Variants in NTRK3 observed in about 807,000 individuals in gnomAD.
NTRK3 encodes the protein neurotrophic receptor tyrosine kinase 3, also known as NT-3 growth factor receptor.
A neutral mutation model predicts 91.7 loss-of-function variants in NTRK3; 24 were observed. The ratio of observed to expected loss-of-function variants is 0.26; its 90% CI spans 0.19 to 0.37. The LOEUF (loss-of-function observed/expected upper bound fraction) is 0.37. Ranked by LOEUF, NTRK3 falls within the 10% of genes least tolerant of loss-of-function variation. NTRK3 has a pLI of 1.00. For synonymous variants in NTRK3, 483 were observed against 404.0 expected, an observed-to-expected ratio of 1.20 and a Z score of -2.34; for missense variants, 880 against 1,068.9, an observed-to-expected ratio of 0.82 and a Z score of 2.46.
In NTRK3 at chr15:88,255,521, C is replaced by A. The variant is rs1303915663; in HGVS notation, c.248+385G>T. 6.6e-6 allele frequency among the ~76,000 whole-genome samples: 1 copy of A among 152,194 alleles called. No individual in the cohort carries two copies. The highest frequency in any genetic ancestry group is 1.5e-5 in the Non-Finnish European group (1 of 68,030). Reference sequence around the variant, plus strand: ...CTGCCGCCTCTGCCAAAGAATCGAACCTCGTCTACTTTATTCCACTTGAGC... The same window carrying A: ...CTGCCGCCTCTGCCAAAGAATCGAAACTCGTCTACTTTATTCCACTTGAGC... On this transcript the variant is annotated intron_variant, in intron 3 of 18. Transcript: ENST00000394480. The surrounding 1 kb of genome is among the most constrained non-coding windows in gnomAD (Gnocchi z 4.3).
intron 13 of NTRK3, among the ~76,000 whole-genome samples, chr15:88,096,500 G>A (rs539687739): frequency 6.6e-6 from 1 of 152,234 alleles, no homozygotes; most frequent in South Asian, 2.1e-4. Context: ...GAGTCTCCTG[G>A]CAAAGACAGC....
chr15:88,169,467 T>C (rs958603977), intron 5 of NTRK3, among the ~76,000 whole-genome samples: 1 of 152,074 alleles, frequency 6.6e-6, no homozygotes, highest in Non-Finnish European at 1.5e-5. Context: ...CAGATACCTG[T>C]AGTTGGCAGC....
intron 3 of NTRK3, among the ~76,000 whole-genome samples, chr15:88,250,262 G>C (rs2053218908): frequency 1.3e-5 from 2 of 152,214 alleles, no homozygotes; most frequent in African/African-American, 4.8e-5. Flanking sequence ...ACTCCTGAGA[G>C]CCTCTGGACT....
rs535986430 is a variant in NTRK3, at chr15:88,094,124, T to A, written c.1396+32147A>T. Among the ~76,000 whole-genome samples, 4 of 152,192 alleles carry A rather than the reference T, an allele frequency of 2.6e-5. 1 individual carries two copies. The highest frequency in any genetic ancestry group is 9.6e-5 in the African/African-American group (4 of 41,564). On this transcript the variant is annotated intron_variant, in intron 13 of 18. Coordinates refer to ENST00000394480, the Ensembl canonical transcript of NTRK3. Reference sequence around the variant, plus strand: ...TTAAAAAGCCAGTGGAAGGGGCTCTTCTTGCTGCAGCCTTTGGAAGAAGTG... The same window carrying A: ...TTAAAAAGCCAGTGGAAGGGGCTCTACTTGCTGCAGCCTTTGGAAGAAGTG...
At chr15:88,190,813 A>G (rs2047325250) in intron 3 of NTRK3, among the ~76,000 whole-genome samples, 1 of 152,238 alleles carries the variant, frequency 6.6e-6, no homozygotes, top group African/African-American at 2.4e-5. Context: ...GGGTTAGAGA[A>G]GGTAATGCCT....
chr15:87,870,993 G>T, exon 19 of NTRK3: 1 of 231,044 alleles, frequency 4.3e-6, no homozygotes. Flanking sequence ...AGATAGCCAA[G>T]CTCACTGGTT....
exon 9 of NTRK3, chr15:88,135,932 T>G: frequency 1.2e-6 from 2 of 1,614,242 alleles, no homozygotes; most frequent in Non-Finnish European, 1.7e-6. Flanking sequence ...GCATTGCTCA[T>G]GCCCACCACG....
exon 19 of NTRK3, chr15:87,868,834 A>C (rs1218256673): frequency 4.5e-6 from 1 of 222,548 alleles, no homozygotes. Context: ...TGGGAGAAAC[A>C]GGAGCTGTGG....
intron 13 of NTRK3, among the ~76,000 whole-genome samples, chr15:88,099,623 C>G (rs892108759): frequency 6.6e-6 from 1 of 152,132 alleles, no homozygotes; most frequent in African/African-American, 2.4e-5. Context: ...GAGCTAAGAG[C>G]CTGGGTGCTA....
intron 3 of NTRK3, among the ~76,000 whole-genome samples, chr15:88,223,751 T>TA (rs1429516060): frequency 5.9e-5 from 9 of 152,156 alleles, no homozygotes; most frequent in Non-Finnish European, 1.2e-4. Context: ...TACTGCACAT[T>TA]AAAAACCCTT....
intron 10 of NTRK3, among the ~76,000 whole-genome samples, chr15:88,131,737 G>C (rs2041372288): frequency 6.6e-6 from 1 of 152,256 alleles, no homozygotes; most frequent in Admixed American, 6.5e-5. Context: ...ATCAGCCTAT[G>C]AGTGTTTAAG....
At chr15:88,073,628 C>A (rs776166290) in intron 13 of NTRK3, among the ~76,000 whole-genome samples, 2 of 152,056 alleles carry the variant, frequency 1.3e-5, no homozygotes, top group Non-Finnish European at 1.5e-5. Flanking sequence ...TGCCCAGGTA[C>A]AAAATAATGG....
intron 5 of NTRK3, among the ~76,000 whole-genome samples, chr15:88,157,017 C>T (rs1487465898): frequency 1.3e-5 from 2 of 152,078 alleles, no homozygotes; most frequent in Non-Finnish European, 2.9e-5. Flanking sequence ...AGAAAAAGGC[C>T]TAGGGACAAA....
intron 3 of NTRK3, among the ~76,000 whole-genome samples, chr15:88,197,681 T>C (rs2047952349): frequency 1.3e-5 from 2 of 152,330 alleles, no homozygotes; most frequent in East Asian, 3.9e-4. Context: ...GGGTTGCTAA[T>C]GGGACCTGTG....
At chr15:88,185,740 C>T (rs773740341) in intron 3 of NTRK3, among the ~76,000 whole-genome samples, 1 of 152,204 alleles carries the variant, frequency 6.6e-6, no homozygotes, top group Non-Finnish European at 1.5e-5. Flanking sequence ...GACATCTCCT[C>T]CCCAGCACCA....
intron 5 of NTRK3, among the ~76,000 whole-genome samples, chr15:88,176,056 GAT>G (rs1427923991): frequency 1.3e-5 from 2 of 151,502 alleles, no homozygotes; most frequent in African/African-American, 4.9e-5. Context: ...GTGATACTGC[GAT>G]ATGATTCTGT....
At chr15:88,194,198 G>A (rs769084804) in intron 3 of NTRK3, among the ~76,000 whole-genome samples, 5 of 152,122 alleles carry the variant, frequency 3.3e-5, no homozygotes, top group Non-Finnish European at 5.9e-5. Context: ...TCTTTCTTAG[G>A]CTCCTTCGCT....
At chr15:87,989,131 G>A (rs1488641416) in intron 14 of NTRK3, among the ~76,000 whole-genome samples, 1 of 152,146 alleles carries the variant, frequency 6.6e-6, no homozygotes, top group Non-Finnish European at 1.5e-5. Context: ...GATACCATTT[G>A]ATCCAGCCAT....
intron 3 of NTRK3, among the ~76,000 whole-genome samples, chr15:88,219,990 G>T (rs2050104507): frequency 6.6e-6 from 1 of 152,210 alleles, no homozygotes; most frequent in Admixed American, 6.5e-5. Context: ...CCCAGCCAAA[G>T]ATGCAGCTAT....
Sources: gnomAD v4.1 joint callset for allele counts (sites outside exome capture counted in the v4.1 genomes callset) on GRCh38, gnomAD v4.1.1 for gene constraint, Gnocchi (gnomAD v3.1) non-coding constraint, MANE v1.5 for transcripts, NCBI Gene and HGNC (gene_info 2026-07-23, HGNC 2026-07-21) for gene names.